The following UMAD1 variants were observed in gnomAD, a reference collection of about 807,000 sequenced individuals.
UMAD1 encodes UBAP1-MVB12-associated (UMA) domain containing 1.
Under a neutral mutation model 6.1 loss-of-function variants are expected in UMAD1, and 8 were observed. The observed-to-expected ratio is 1.30, with a 90% CI of 0.76 to 2.35. The LOEUF (loss-of-function observed/expected upper bound fraction) is 2.35, where lower values mean the gene tolerates loss of function less well. UMAD1 is among the 30% of genes most tolerant of loss of function. The probability of loss-of-function intolerance (pLI) is 0.00; values close to 1 mark genes in which losing one functional copy is unlikely to be tolerated. For missense variants in UMAD1, 130 were observed against 78.4 expected (o/e 1.66, Z -2.49); for synonymous variants, 56 against 31.4 (o/e 1.78, Z -2.61).
chr7:7,693,765 T>C (rs905579550), intron 2 of UMAD1, among the ~76,000 whole-genome samples: 4 of 152,200 alleles, frequency 2.6e-5, no homozygotes, highest in Non-Finnish European at 4.4e-5. Flanking sequence ...TTTAAATATT[T>C]TGTAAGATGT....
intron 3 of UMAD1, among the ~76,000 whole-genome samples, chr7:7,811,567 G>A (rs1019737383): frequency 9.2e-5 from 14 of 152,144 alleles, no homozygotes; most frequent in African/African-American, 3.4e-4. Context: ...TGAAGTCGAT[G>A]AATTAGGTGC....
chr7:7,735,360 A>ATG (rs1269933846), intron 2 of UMAD1, among the ~76,000 whole-genome samples: 1 of 152,056 alleles, frequency 6.6e-6, no homozygotes, highest in East Asian at 1.9e-4. Context: ...CTTAATTTTA[A>ATG]TGTGTTGTAG....
At chr7:7,773,674 C>CT (rs1782144638) in intron 2 of UMAD1, among the ~76,000 whole-genome samples, 1 of 152,194 alleles carries the variant, frequency 6.6e-6, no homozygotes, top group South Asian at 2.1e-4. Flanking sequence ...GCCCAACACA[C>CT]TAGAAACCAA....
At chr7:7,645,676 T>C (rs958807716) in intron 1 of UMAD1, among the ~76,000 whole-genome samples, 12 of 152,170 alleles carry the variant, frequency 7.9e-5, no homozygotes, top group African/African-American at 2.2e-4. Context: ...ATCAAATGCA[T>C]TTTTTGCCTT....
At chr7:7,701,621 G>C (rs764457748) in intron 2 of UMAD1, among the ~76,000 whole-genome samples, 1 of 152,066 alleles carries the variant, frequency 6.6e-6, no homozygotes, top group Non-Finnish European at 1.5e-5. Flanking sequence ...GACCTTATGG[G>C]TCTTGCTTAT....
intron 2 of UMAD1, among the ~76,000 whole-genome samples, chr7:7,778,275 T>TGTGTGAGA (rs1271237125): frequency 0.024 from 2,612 of 110,212 alleles, 32 homozygotes; most frequent in East Asian, 0.032. Context: ...TGTGTGTGTG[T>TGTGTGAGA]GAGAGAGAGA....
intron 2 of UMAD1, among the ~76,000 whole-genome samples, chr7:7,785,316 A>C (rs942590617): frequency 6.6e-6 from 1 of 152,166 alleles, no homozygotes; most frequent in African/African-American, 2.4e-5. Context: ...GAAAGAGGTG[A>C]CATGGAATGG....
chr7:7,811,437 T>A (rs1783019713), intron 3 of UMAD1, among the ~76,000 whole-genome samples: 1 of 152,220 alleles, frequency 6.6e-6, no homozygotes, highest in Admixed American at 6.5e-5. Context: ...ACCTTTATTT[T>A]CATCTGAATT....
At chr7:7,821,088 A>C (rs534227491) in intron 3 of UMAD1, among the ~76,000 whole-genome samples, 1 of 152,306 alleles carries the variant, frequency 6.6e-6, no homozygotes, top group South Asian at 2.1e-4. Flanking sequence ...TACTGTGTTC[A>C]TGAACACAAA....
intron 3 of UMAD1, among the ~76,000 whole-genome samples, chr7:7,845,636 C>A (rs898895055): frequency 1.3e-5 from 2 of 151,956 alleles, no homozygotes; most frequent in African/African-American, 4.8e-5. Context: ...GTAAATGTTC[C>A]TTTTTGTTTG....
chr7:7,757,620 A>C (rs948749630), intron 2 of UMAD1, among the ~76,000 whole-genome samples: 1 of 152,232 alleles, frequency 6.6e-6, no homozygotes, highest in African/African-American at 2.4e-5. Context: ...CATTTTAGAT[A>C]AACAGAAAGC....
chr7:7,655,115 T>C lies in UMAD1; in HGVS notation c.-64+14294T>C, dbSNP rs558734132. ...AATGATTCCAGACAGTTCCTGGTAG[T>C]AGATATCTTACATGCTAATGATGAG... On this transcript the variant is annotated intron_variant, in intron 1 of 3. Transcript: ENST00000682710. Among the ~76,000 whole-genome samples, 6 of 152,228 alleles carry C rather than the reference T, an allele frequency of 3.9e-5. No individual in the cohort carries two copies. The South Asian group carries it at 6.2e-4, about 16-fold the overall frequency.
intron 1 of UMAD1, among the ~76,000 whole-genome samples, chr7:7,651,894 A>G (rs1443565277): frequency 6.6e-6 from 1 of 151,984 alleles, no homozygotes; most frequent in Non-Finnish European, 1.5e-5. Flanking sequence ...CCTGTCTTGT[A>G]CTCTGTTTTA....
intron 3 of UMAD1, among the ~76,000 whole-genome samples, chr7:7,867,120 A>G (rs945309789): frequency 6.6e-6 from 1 of 152,186 alleles, no homozygotes; most frequent in Admixed American, 6.5e-5. Context: ...TTGGAAGAGC[A>G]TTAAGTTTGA....
chr7:7,834,621 C>G (rs767666184), intron 3 of UMAD1, among the ~76,000 whole-genome samples: 1 of 151,962 alleles, frequency 6.6e-6, no homozygotes, highest in African/African-American at 2.4e-5. Flanking sequence ...TCTTCACAGG[C>G]AGAGAAAGAA....
chr7:7,786,275 A>G (rs1052112494), intron 2 of UMAD1, among the ~76,000 whole-genome samples: 1 of 152,194 alleles, frequency 6.6e-6, no homozygotes, highest in African/African-American at 2.4e-5. Flanking sequence ...ATATCTAGAC[A>G]TTTTTGAAAA....
chr7:7,830,519 C>CT lies in UMAD1; in HGVS notation c.156+28779dup, dbSNP rs1783442903. Reference sequence around the variant, plus strand: ...TTCTTTTCCCTTTTTCGTTTCTTTTCTTTCTTTTAACATGCGTGTTTTTCT... The same window carrying CT: ...TTCTTTTCCCTTTTTCGTTTCTTTTCTTTTCTTTTAACATGCGTGTTTTTCT... On this transcript the variant is annotated intron_variant, in intron 3 of 3. Transcript: ENST00000682710. This position sits in a 1 kb window ranked among gnomAD's most constrained non-coding sequence, Gnocchi z 5.3. Among the ~76,000 whole-genome samples the CT allele has an allele frequency of 6.6e-6, 1 of 151,624 alleles. No homozygotes were observed. The highest frequency in any genetic ancestry group is 1.5e-5 in the Non-Finnish European group (1 of 67,864).
In UMAD1 at chr7:7,877,767, C is replaced by A; in HGVS notation, c.*229C>A. 2.1e-6 allele frequency: 1 copy of A among 486,336 alleles called. No homozygotes were observed. The highest frequency in any genetic ancestry group is 3.6e-6 in the Non-Finnish European group (1 of 274,032). The allele number at this position is 486,336 out of a possible 1,614,324, so 30.1% of individuals were successfully genotyped here. Reference sequence around the variant, plus strand: ...CCATATAATAAATATACAAATTAGGCTATGAAGGTTTTAGGAAAGGACTCG... The same window carrying A: ...CCATATAATAAATATACAAATTAGGATATGAAGGTTTTAGGAAAGGACTCG... On this transcript the variant is annotated 3_prime_UTR_variant, in exon 4 of 4. Transcript: ENST00000682710.
At chr7:7,815,023 A>G (rs1206455884) in intron 3 of UMAD1, among the ~76,000 whole-genome samples, 1 of 152,072 alleles carries the variant, frequency 6.6e-6, no homozygotes, top group East Asian at 1.9e-4. Flanking sequence ...TACACTTTCA[A>G]TCCTAGATAT....
Sources: gnomAD v4.1 joint callset for allele counts (sites outside exome capture counted in the v4.1 genomes callset) on GRCh38, gnomAD v4.1.1 for gene constraint, Gnocchi (gnomAD v3.1) non-coding constraint, MANE v1.5 for transcripts, NCBI Gene and HGNC (gene_info 2026-07-23, HGNC 2026-07-21) for gene names.